Variants in FBXL20 observed in about 807,000 individuals in gnomAD.
FBXL20 encodes F-box/LRR-repeat protein 20.
A neutral mutation model predicts 64.0 loss-of-function variants in FBXL20; 11 were observed. The observed-to-expected ratio is 0.17, with a 90% CI of 0.11 to 0.28. The LOEUF (loss-of-function observed/expected upper bound fraction) is 0.28, where lower values mean the gene tolerates loss of function less well. Ranked by LOEUF, FBXL20 falls within the 10% of genes least tolerant of loss-of-function variation. FBXL20 has a pLI of 1.00. For missense variants in FBXL20, 303 were observed against 526.2 expected, an observed-to-expected ratio of 0.58 and a Z score of 4.15; for synonymous variants, 184 against 189.0, an observed-to-expected ratio of 0.97 and a Z score of 0.22.
intron 1 of FBXL20, among the ~76,000 whole-genome samples, chr17:39,395,341 T>A (rs1379969596): frequency 6.6e-6 from 1 of 152,174 alleles, no homozygotes; most frequent in African/African-American, 2.4e-5. Context: ...GGAGAATCGC[T>A]TGAACCTGGG....
intron 1 of FBXL20, among the ~76,000 whole-genome samples, chr17:39,364,387 TG>T (rs1396986722): frequency 6.6e-6 from 1 of 151,922 alleles, no homozygotes; most frequent in Non-Finnish European, 1.5e-5. Flanking sequence ...CCAAGGAGAG[TG>T]GATTGCTTGA....
intron 6 of FBXL20, among the ~76,000 whole-genome samples, chr17:39,286,425 G>C (rs1422537600): frequency 6.6e-6 from 1 of 152,074 alleles, no homozygotes; most frequent in Non-Finnish European, 1.5e-5. Context: ...ATGTTAGCCA[G>C]GCTGGTCTCC....
chr17:39,376,053 A>G (rs2047963930), intron 1 of FBXL20, among the ~76,000 whole-genome samples: 1 of 152,134 alleles, frequency 6.6e-6, no homozygotes. Context: ...CAGGAGGCGG[A>G]GGTTGCAATG....
intron 2 of FBXL20, among the ~76,000 whole-genome samples, chr17:39,317,996 G>A (rs1311396011): frequency 2.6e-5 from 4 of 151,916 alleles, no homozygotes; most frequent in South Asian, 2.1e-4. Context: ...CACCGCTCGC[G>A]GCCTCACTTT....
intron 1 of FBXL20, among the ~76,000 whole-genome samples, chr17:39,387,684 C>T (rs993916789): frequency 6.6e-6 from 1 of 151,546 alleles, no homozygotes; most frequent in African/African-American, 2.4e-5. Context: ...CTCAAGCAAT[C>T]CTTCTACCTC....
intron 1 of FBXL20, among the ~76,000 whole-genome samples, chr17:39,394,719 C>G (rs1176776783): frequency 6.6e-6 from 1 of 151,778 alleles, no homozygotes; most frequent in African/African-American, 2.4e-5. Context: ...CACTACTACA[C>G]GTCTAATTTT....
intron 10 of FBXL20, among the ~76,000 whole-genome samples, chr17:39,272,650 C>A (rs1411986211): frequency 7.6e-6 from 1 of 132,016 alleles, no homozygotes; most frequent in Non-Finnish European, 1.5e-5. Context: ...TACAGTGAGC[C>A]AAGATCATGC....
At chr17:39,322,186 A>T (rs1423076850) in intron 2 of FBXL20, among the ~76,000 whole-genome samples, 2 of 150,738 alleles carry the variant, frequency 1.3e-5, no homozygotes, top group East Asian at 1.9e-4. Flanking sequence ...AAAAAAAAAA[A>T]AAAGCCATGC....
chr17:39,332,120 G>C (rs1272161757), intron 2 of FBXL20, among the ~76,000 whole-genome samples: 1 of 152,176 alleles, frequency 6.6e-6, no homozygotes, highest in Non-Finnish European at 1.5e-5. Context: ...CTTTTCAAAG[G>C]AAGGAAAACA....
intron 1 of FBXL20, among the ~76,000 whole-genome samples, chr17:39,345,090 A>G (rs2047619877): frequency 6.6e-6 from 1 of 152,228 alleles, no homozygotes; most frequent in Non-Finnish European, 1.5e-5. Context: ...ACCGAAGCTG[A>G]GAGAAATACG....
At position 39,299,188 on chromosome 17, in the gene FBXL20, A is replaced by T. The variant is rs2047112578; in HGVS notation, c.235-104T>A. 6 of 785,368 alleles carry T rather than the reference A, an allele frequency of 7.6e-6. No individual in the cohort carries two copies. The Admixed American group carries it at 1.1e-4, about 14-fold the overall frequency. 48.6% of individuals were successfully genotyped at this position (785,368 alleles called of 1,614,324 possible). On this transcript the variant is annotated intron_variant, in intron 4 of 14. Coordinates refer to ENST00000264658, the MANE Select transcript of FBXL20 (RefSeq NM_032875.3). ...TTATAAACAAAGAGAAAATGCTTCTATTATGACCTAATTTAATAGGAAAAT... is the reference window on the plus strand; with the variant it reads ...TTATAAACAAAGAGAAAATGCTTCTTTTATGACCTAATTTAATAGGAAAAT...
At chr17:39,326,101 A>G (rs2047406528) in intron 2 of FBXL20, among the ~76,000 whole-genome samples, 1 of 151,984 alleles carries the variant, frequency 6.6e-6, no homozygotes, top group Non-Finnish European at 1.5e-5. Flanking sequence ...TTGCCATGTG[A>G]TAAGCAAGCT....
chr17:39,265,605 C>G, intron 12 of FBXL20, 152 bp from the exon 13 acceptor site: 1 of 475,712 alleles, frequency 2.1e-6, no homozygotes, highest in Non-Finnish European at 3.6e-6. Context: ...CTTCTGGGCT[C>G]AAGCAATCTT....
intron 1 of FBXL20, among the ~76,000 whole-genome samples, chr17:39,394,615 A>T (rs966551861): frequency 8.0e-4 from 120 of 150,812 alleles, no homozygotes; most frequent in African/African-American, 2.8e-3. Context: ...CCCAGGCTGA[A>T]GTGCGCTGGC....
chr17:39,352,836 C>T (rs71369747), intron 1 of FBXL20, among the ~76,000 whole-genome samples: 7,896 of 152,074 alleles, frequency 0.052, 666 homozygotes, highest in African/African-American at 0.18. Flanking sequence ...TACAGAATTC[C>T]CAATTCTTAG....
chr17:39,311,513 G>C (rs547339991), intron 2 of FBXL20, among the ~76,000 whole-genome samples: 3 of 152,108 alleles, frequency 2.0e-5, no homozygotes, highest in African/African-American at 7.2e-5. Flanking sequence ...CTTCCCTTGA[G>C]ACAAATTTGC....
rs894205679 is a variant in FBXL20 at position 39,318,740 on chromosome 17, TAAAC to T, written c.105-15105_105-15102del. Among the ~76,000 whole-genome samples the T allele has an allele frequency of 1.1e-4, 17 of 151,524 alleles. No individual in the cohort carries two copies. The East Asian group carries it at 1.4e-3, about 12-fold the overall frequency. On this transcript the variant is annotated intron_variant, in intron 2 of 14. Coordinates refer to ENST00000264658, the MANE Select transcript of FBXL20 (RefSeq NM_032875.3). ...GGGCAACAAGAGCCAAACTCCATCTTAAACAAACAAACAAACAAACAAAGCAAAA... is the reference window on the plus strand; with the variant it reads ...GGGCAACAAGAGCCAAACTCCATCTTAAACAAACAAACAAACAAAGCAAAA...
At position 39,260,556 on chromosome 17, in the gene FBXL20, T is replaced by G. The variant is rs2046736278; in HGVS notation, c.*904A>C. Reference sequence around the variant, plus strand: ...CTTTCATTAGAGTTTCCTTGCAGGTTGGCAAAGATTCAGGCAGGGTCCCCT... The same window carrying G: ...CTTTCATTAGAGTTTCCTTGCAGGTGGGCAAAGATTCAGGCAGGGTCCCCT... On this transcript the variant is annotated 3_prime_UTR_variant, in exon 15 of 15. Transcript: ENST00000264658. 1 of 152,346 alleles carries G rather than the reference T, an allele frequency of 6.6e-6. No homozygotes were observed. The highest frequency in any genetic ancestry group is 1.5e-5 in the Non-Finnish European group (1 of 68,042). 9.4% of individuals were successfully genotyped at this position (152,346 alleles called of 1,614,324 possible). A position where few individuals can be genotyped will look rare whatever the true frequency, so the allele number is the denominator to read the frequency against.
At chr17:39,265,671 T>A (rs1159058139) in intron 12 of FBXL20, among the ~76,000 whole-genome samples, 2 of 151,888 alleles carry the variant, frequency 1.3e-5, no homozygotes, top group African/African-American at 4.8e-5. Context: ...CAGGACTAAT[T>A]TTTTAAATTA....
Sources: allele counts gnomAD v4.1 joint callset (sites outside exome capture counted in the v4.1 genomes callset), GRCh38; gene constraint gnomAD v4.1.1; transcripts MANE v1.5; gene names NCBI Gene and HGNC (gene_info 2026-07-23, HGNC 2026-07-21).